The following PPM1H variants were observed in gnomAD, a reference collection of about 807,000 sequenced individuals.
PPM1H encodes the protein protein phosphatase, Mg2+/Mn2+ dependent 1H, also known as protein phosphatase 1H.
In PPM1H, 27 loss-of-function variants were observed where a neutral mutation model predicts 54.9. The ratio of observed to expected loss-of-function variants is 0.49; its 90% CI spans 0.36 to 0.68. PPM1H has a LOEUF of 0.68. Among genes scored for constraint, PPM1H ranks in the 30% least tolerant of loss-of-function variants. The pLI, the probability that PPM1H is intolerant of heterozygous loss-of-function variation, is 0.00. For missense variants in PPM1H, 596 were observed against 667.8 expected, an observed-to-expected ratio of 0.89 and a Z score of 1.19; for synonymous variants, 305 against 270.8, an observed-to-expected ratio of 1.13 and a Z score of -1.24.
At chr12:62,823,385 C>A (rs1001183976) in intron 2 of PPM1H, among the ~76,000 whole-genome samples, 5 of 152,288 alleles carry the variant, frequency 3.3e-5, no homozygotes, top group Admixed American at 1.3e-4. Flanking sequence ...TTCTTCCTAA[C>A]TAATTTTATG....
At chr12:62,874,584 C>T (rs143373029) in intron 1 of PPM1H, among the ~76,000 whole-genome samples, 1 of 152,032 alleles carries the variant, frequency 6.6e-6, no homozygotes, top group South Asian at 2.1e-4. Context: ...AACAACCTTC[C>T]TAAGCTATTA....
intron 3 of PPM1H, among the ~76,000 whole-genome samples, chr12:62,789,435 A>C (rs968883577): frequency 2.0e-5 from 3 of 152,250 alleles, no homozygotes; most frequent in African/African-American, 4.8e-5. Context: ...ACAATGACTT[A>C]TAAATGACTT....
chr12:62,681,374 C>G (rs933344938), intron 8 of PPM1H, among the ~76,000 whole-genome samples: 1 of 152,152 alleles, frequency 6.6e-6, no homozygotes, highest in Non-Finnish European at 1.5e-5. Flanking sequence ...TTCCCCAGTT[C>G]GGCTCCTCAC....
chr12:62,694,722 C>G (rs1265076850), intron 6 of PPM1H, among the ~76,000 whole-genome samples: 1 of 152,228 alleles, frequency 6.6e-6, no homozygotes, highest in Non-Finnish European at 1.5e-5. Flanking sequence ...AGCCCAGTTA[C>G]AGCTGTTTAT....
intron 1 of PPM1H, among the ~76,000 whole-genome samples, chr12:62,877,936 C>T (rs1450583211): frequency 6.6e-6 from 1 of 152,178 alleles, no homozygotes; most frequent in Non-Finnish European, 1.5e-5. Flanking sequence ...CTCGCTCTAT[C>T]GTCCAGGCTG....
At chr12:62,671,116 T>C (rs1175801476) in intron 8 of PPM1H, among the ~76,000 whole-genome samples, 1 of 152,120 alleles carries the variant, frequency 6.6e-6, no homozygotes, top group East Asian at 1.9e-4. Flanking sequence ...AATCGAACCA[T>C]ACCCACATCC....
chr12:62,738,610 C>T (rs1186929750), intron 4 of PPM1H, among the ~76,000 whole-genome samples: 2 of 152,228 alleles, frequency 1.3e-5, no homozygotes, highest in East Asian at 1.9e-4. Context: ...TTTCAGCTAT[C>T]GATCGGTTGT....
intron 1 of PPM1H, among the ~76,000 whole-genome samples, chr12:62,902,136 G>A (rs1355096081): frequency 6.6e-6 from 1 of 152,030 alleles, no homozygotes; most frequent in Non-Finnish European, 1.5e-5. Context: ...ACTGAGGTGG[G>A]CAGATCACGA....
intron 1 of PPM1H, among the ~76,000 whole-genome samples, chr12:62,900,641 G>A (rs2464120): frequency 2.6e-5 from 4 of 151,660 alleles, no homozygotes; most frequent in African/African-American, 4.8e-5. Flanking sequence ...ACGAATGCGG[G>A]TGGAGGAGGT....
At position 62,669,634 on chromosome 12, in the gene PPM1H, C is replaced by G. The variant is rs74954664; in HGVS notation, c.1246-2305G>C. On this transcript the variant is annotated intron_variant, in intron 8 of 9. Coordinates refer to ENST00000228705, the MANE Select transcript of PPM1H (RefSeq NM_020700.2). The stretch of plus-strand genomic sequence containing the variant: ...ACCCCTGGGCTCCTAGCTTCAAGTA[C>G]TGGTTCACTGTGTTGTTACTTTCAG... 3.3e-5 allele frequency among the ~76,000 whole-genome samples: 5 copies of G among 152,278 alleles called. No individual in the cohort carries two copies. In the East Asian group the frequency reaches 9.7e-4, roughly 29 times the overall value.
In PPM1H at chr12:62,680,177, A is replaced by T. The variant is rs190757012; in HGVS notation, c.1245+9522T>A. Among the ~76,000 whole-genome samples, 157 of 152,112 alleles carry T rather than the reference A, an allele frequency of 1.0e-3. 1 individual carries two copies. The highest frequency in any genetic ancestry group is 3.7e-3 in the African/African-American group (155 of 41,502). ...GGCTAGGTTTTAAGAAGCCTTGCTGATGCTGCCTGGGACTATTTTCATTTC... is the reference window on the plus strand; with the variant it reads ...GGCTAGGTTTTAAGAAGCCTTGCTGTTGCTGCCTGGGACTATTTTCATTTC... On this transcript the variant is annotated intron_variant, in intron 8 of 9. Coordinates refer to ENST00000228705, the MANE Select transcript of PPM1H (RefSeq NM_020700.2).
chr12:62,900,086 A>G (rs967801623), intron 1 of PPM1H, among the ~76,000 whole-genome samples: 6 of 152,232 alleles, frequency 3.9e-5, no homozygotes, highest in Non-Finnish European at 7.3e-5. Flanking sequence ...TCTGTTGTTT[A>G]TAAGCACCCA....
At chr12:62,736,623 A>G (rs2076351016) in intron 5 of PPM1H, among the ~76,000 whole-genome samples, 1 of 152,246 alleles carries the variant, frequency 6.6e-6, no homozygotes, top group Non-Finnish European at 1.5e-5. Context: ...AAATTAATTA[A>G]ATCCTGACCA....
intron 5 of PPM1H, chr12:62,720,641 CT>C: frequency 4.7e-6 from 1 of 214,840 alleles, no homozygotes; most frequent in Non-Finnish European, 9.5e-6. Context: ...CTGACGTGGT[CT>C]TTTCCACACT....
At chr12:62,932,517 A>G (rs1872171978) in intron 1 of PPM1H, among the ~76,000 whole-genome samples, 1 of 150,374 alleles carries the variant, frequency 6.7e-6, no homozygotes, top group African/African-American at 2.5e-5. Context: ...TGGGAAACTC[A>G]CTGGAGTGGG....
chr12:62,907,324 G>A (rs1871329967), intron 1 of PPM1H, among the ~76,000 whole-genome samples: 1 of 152,154 alleles, frequency 6.6e-6, no homozygotes, highest in African/African-American at 2.4e-5. Context: ...TTGGGAGCTG[G>A]ATATTATTAC....
intron 6 of PPM1H, among the ~76,000 whole-genome samples, chr12:62,717,004 T>C (rs1032921012): frequency 3.9e-5 from 6 of 152,020 alleles, no homozygotes; most frequent in African/African-American, 1.2e-4. Context: ...GATGAGGTCT[T>C]GCTCTGTTGC....
chr12:62,797,125 G>A (rs2120731774), intron 3 of PPM1H, among the ~76,000 whole-genome samples: 1 of 152,238 alleles, frequency 6.6e-6, no homozygotes, highest in South Asian at 2.1e-4. Flanking sequence ...AGACAAGCAG[G>A]TAGACAGAAA....
intron 5 of PPM1H, among the ~76,000 whole-genome samples, chr12:62,721,395 G>A (rs764590601): frequency 2.0e-5 from 3 of 152,126 alleles, no homozygotes; most frequent in Non-Finnish European, 4.4e-5. Flanking sequence ...AGTAATTCTG[G>A]GCAGGCTTGG....
Sources: allele counts gnomAD v4.1 joint callset (sites outside exome capture counted in the v4.1 genomes callset), GRCh38; gene constraint gnomAD v4.1.1; transcripts MANE v1.5; gene names NCBI Gene and HGNC (gene_info 2026-07-23, HGNC 2026-07-21).